The following HABP2 variants were observed in gnomAD, a reference collection of about 807,000 sequenced individuals.
The protein encoded by HABP2 is factor VII-activating protease.
A neutral mutation model predicts 66.5 loss-of-function variants in HABP2; 65 were observed. The ratio of observed to expected loss-of-function variants is 0.98; its 90% CI spans 0.80 to 1.20. The LOEUF (loss-of-function observed/expected upper bound fraction) is 1.20. Among genes scored for constraint, HABP2 ranks in the 50% most tolerant of loss-of-function variants. HABP2 has a pLI of 0.00. For synonymous variants in HABP2, 263 were observed against 253.9 expected (o/e 1.04, Z -0.34); for missense variants, 786 against 691.0 (o/e 1.14, Z -1.54).
At chr10:113,568,411 AAGTC>A (rs1845240043) in intron 2 of HABP2, among the ~76,000 whole-genome samples, 1 of 152,204 alleles carries the variant, frequency 6.6e-6, no homozygotes. Flanking sequence ...AACTGGGCCA[AAGTC>A]AGTTTGACAG....
At position 113,574,378 on chromosome 10, in the gene HABP2, GACTGGTACTAC is replaced by G. The variant is rs1845370208; in HGVS notation, c.201_211del (p.Trp67Ter). The stretch of plus-strand genomic sequence containing the variant: ...CACACTTACCCACGCTGAGAATCCT[GACTGGTACTAC>G]ACTGAGGACCAAGCTGGTAGGTACC... On this transcript the variant is annotated frameshift_variant, in exon 3 of 13. Transcript: ENST00000351270. LOFTEE classifies it high-confidence loss of function. 1.9e-6 allele frequency: 3 copies of G among 1,575,618 alleles called. No individual in the cohort carries two copies. The highest frequency in any genetic ancestry group is 2.6e-6 in the Non-Finnish European group (3 of 1,144,516).
intron 9 of HABP2, among the ~76,000 whole-genome samples, chr10:113,582,689 T>C (rs1481439886): frequency 1.3e-5 from 2 of 152,188 alleles, no homozygotes; most frequent in Non-Finnish European, 2.9e-5. Flanking sequence ...GAGTCAGGTG[T>C]CTTCATCCAT....
chr10:113,575,942 T>C lies in HABP2; in HGVS notation c.269T>C (p.Val90Ala), dbSNP rs762834358. ...NPCEHGGDCL[V>A]HGSTFTCSCL... is the part of the protein sequence containing the mutation. The stretch of plus-strand genomic sequence containing the variant: ...TGTGAACACGGTGGGGACTGCCTCG[T>C]CCATGGGAGCACCTTCACATGCAGC... The change falls in exon 4 of 13, where the codon GTC becomes GCC. Residue 90 changes from valine to alanine, a missense_variant. Val to Ala is a moderately conservative substitution (Grantham distance 64, BLOSUM62 0). Transcript: ENST00000351270. The C allele has an allele frequency of 1.2e-6, 2 of 1,612,832 alleles. No individual in the cohort carries two copies. The highest frequency in any genetic ancestry group is 2.7e-5 in the African/African-American group (2 of 74,892).
intron 10 of HABP2, 96 bp from the exon 11 acceptor site, chr10:113,584,052 G>T: frequency 9.8e-7 from 1 of 1,023,384 alleles, no homozygotes; most frequent in Non-Finnish European, 1.5e-6. Flanking sequence ...GGCAGGTGGG[G>T]CTTTGCTGTG....
chr10:113,576,246 G>T (rs762530540), intron 4 of HABP2, among the ~76,000 whole-genome samples: 3 of 152,190 alleles, frequency 2.0e-5, no homozygotes, highest in Non-Finnish European at 4.4e-5. Context: ...GGGGATAAGG[G>T]CTGGACTCTA....
chr10:113,552,990 A>G, upstream of HABP2: 1 of 680,122 alleles, frequency 1.5e-6, no homozygotes, highest in Non-Finnish European at 2.6e-6. Context: ...ACAGTATTTG[A>G]TGCCTAGTTA....
At position 113,588,694 on chromosome 10, in the gene HABP2, A is replaced by G; in HGVS notation, c.*325A>G. On this transcript the variant is annotated 3_prime_UTR_variant, in exon 13 of 13. Transcript: ENST00000351270. ...TCCACCACAGGCATCCTGCAAATGCAGACTCCAGAATCCCCAGCATCAGCG... is the reference window on the plus strand; with the variant it reads ...TCCACCACAGGCATCCTGCAAATGCGGACTCCAGAATCCCCAGCATCAGCG... 1 of 538,528 alleles carries G rather than the reference A, an allele frequency of 1.9e-6. No homozygotes were observed. The allele number at this position is 538,528 out of a possible 1,614,324, so 33.4% of individuals were successfully genotyped here.
At chr10:113,581,708 A>C (rs1463260007) in intron 8 of HABP2, among the ~76,000 whole-genome samples, 168 bp from the exon 9 acceptor site, 2 of 152,174 alleles carry the variant, frequency 1.3e-5, no homozygotes, top group East Asian at 3.8e-4. Context: ...GTATTCAACA[A>C]ATATCAACTG....
At chr10:113,568,926 G>T (rs1487648013) in intron 2 of HABP2, among the ~76,000 whole-genome samples, 2 of 152,234 alleles carry the variant, frequency 1.3e-5, no homozygotes, top group Non-Finnish European at 2.9e-5. Context: ...CCCTGGAATT[G>T]TGCAGTGAAC....
At chr10:113,573,983 A>G (rs559917009) in intron 2 of HABP2, among the ~76,000 whole-genome samples, 35 of 152,310 alleles carry the variant, frequency 2.3e-4, no homozygotes, top group African/African-American at 8.2e-4. Flanking sequence ...TTGATAATAC[A>G]GTTGGCTTTC....
At chr10:113,566,681 C>T (rs979004479) in intron 1 of HABP2, among the ~76,000 whole-genome samples, 3 of 152,048 alleles carry the variant, frequency 2.0e-5, no homozygotes, top group African/African-American at 7.3e-5. Context: ...GGTGCAGTGA[C>T]AAAACAGTGG....
At chr10:113,563,040 T>G (rs145769244) in intron 1 of HABP2, among the ~76,000 whole-genome samples, 1 of 152,352 alleles carries the variant, frequency 6.6e-6, no homozygotes, top group African/African-American at 2.4e-5. Flanking sequence ...GATATAATCA[T>G]AATACCTAAA....
At chr10:113,588,048 G>A (rs1845689052) in intron 12 of HABP2, among the ~76,000 whole-genome samples, 157 bp from the exon 13 acceptor site, 1 of 152,226 alleles carries the variant, frequency 6.6e-6, no homozygotes, top group African/African-American at 2.4e-5. Context: ...TATCATGTGA[G>A]ATGTGGGGAG....
At chr10:113,567,826 C>A (rs982250506) in intron 2 of HABP2, among the ~76,000 whole-genome samples, 1 of 152,208 alleles carries the variant, frequency 6.6e-6, no homozygotes, top group African/African-American at 2.4e-5. Context: ...CAATTTACTC[C>A]TGGCCACACA....
intron 8 of HABP2, among the ~76,000 whole-genome samples, chr10:113,581,587 A>G (rs553655499): frequency 6.6e-6 from 1 of 152,380 alleles, no homozygotes; most frequent in Admixed American, 6.5e-5. Flanking sequence ...TTGTATATTT[A>G]CATAAACATA....
intron 1 of HABP2, among the ~76,000 whole-genome samples, chr10:113,556,330 A>T (rs1487333539): frequency 6.6e-6 from 1 of 152,202 alleles, no homozygotes; most frequent in Non-Finnish European, 1.5e-5. Flanking sequence ...ACAGATTCCC[A>T]GCTTTTCTTG....
At chr10:113,566,069 GA>G (rs1397117446) in intron 1 of HABP2, among the ~76,000 whole-genome samples, 1 of 152,150 alleles carries the variant, frequency 6.6e-6, no homozygotes, top group Non-Finnish European at 1.5e-5. Flanking sequence ...CAGTAAAACA[GA>G]AAATTAGAAA....
intron 2 of HABP2, among the ~76,000 whole-genome samples, chr10:113,571,636 G>T (rs978834138): frequency 6.6e-6 from 1 of 152,110 alleles, no homozygotes; most frequent in African/African-American, 2.4e-5. Context: ...GGCTATTTTT[G>T]TCATCAGATT....
chr10:113,575,880 C>A lies in HABP2; in HGVS notation c.224-17C>A, dbSNP rs1382456394. 22 of 1,481,678 alleles carry A rather than the reference C, an allele frequency of 1.5e-5. No individual in the cohort carries two copies. The highest frequency in any genetic ancestry group is 2.0e-5 in the Non-Finnish European group (21 of 1,065,560). 91.8% of individuals were successfully genotyped at this position (1,481,678 alleles called of 1,614,324 possible). A position where few individuals can be genotyped will look rare whatever the true frequency, so the allele number is the denominator to read the frequency against. ...TGCCTTTCCTTACCAACATTGCCTTCTTCCTGTGTGTCTTAGATCCATGCC... is the reference window on the plus strand; with the variant it reads ...TGCCTTTCCTTACCAACATTGCCTTATTCCTGTGTGTCTTAGATCCATGCC... On this transcript the variant is annotated splice_polypyrimidine_tract_variant and intron_variant, in intron 3 of 12. Transcript: ENST00000351270.
Sources: allele counts gnomAD v4.1 joint callset (sites outside exome capture counted in the v4.1 genomes callset), GRCh38; gene constraint gnomAD v4.1.1; transcripts MANE v1.5; gene names NCBI Gene and HGNC (gene_info 2026-07-23, HGNC 2026-07-21).